Variants in DAOA observed in about 807,000 individuals in gnomAD.
DAOA encodes the protein D-amino acid oxidase activator.
A neutral mutation model predicts 16.4 loss-of-function variants in DAOA; 15 were observed. The ratio of observed to expected loss-of-function variants is 0.91; its 90% confidence interval spans 0.61 to 1.41. The LOEUF (loss-of-function observed/expected upper bound fraction) is 1.41. Ranked by LOEUF, DAOA falls within the 40% of genes most tolerant of loss-of-function variation. The probability of loss-of-function intolerance (pLI) is 0.00; values close to 1 mark genes in which losing one functional copy is unlikely to be tolerated. For synonymous variants in DAOA, 75 were observed against 59.1 expected (o/e 1.27, Z -1.23); for missense variants, 230 against 176.8 (o/e 1.30, Z -1.71).
intron 4 of DAOA, among the ~76,000 whole-genome samples, chr13:105,485,439 T>C (rs549251903): frequency 6.6e-6 from 1 of 152,316 alleles, no homozygotes; most frequent in South Asian, 2.1e-4. Flanking sequence ...GACTTAATCA[T>C]GAAGTCCTGT....
chr13:105,477,609 A>C (rs1014850221), intron 4 of DAOA, among the ~76,000 whole-genome samples: 3 of 152,206 alleles, frequency 2.0e-5, no homozygotes, highest in Admixed American at 1.3e-4. Flanking sequence ...CTGTAGTCCC[A>C]GCTTCTTGGG....
rs769132350 is a variant in DAOA at position 105,489,868 on chromosome 13, G to C, written c.282-33G>C. 1.9e-6 allele frequency: 3 copies of C among 1,613,766 alleles called. No individual in the cohort carries two copies. The Admixed American group carries it at 5.0e-5, about 27-fold the overall frequency. On this transcript the variant is annotated intron_variant, in intron 4 of 5. Transcript: ENST00000375936. ...CCGGTGATGAGGTTACCTTTCACAAGACCTGGCCAACTGAGACCGGATCTC... is the reference window on the plus strand; with the variant it reads ...CCGGTGATGAGGTTACCTTTCACAACACCTGGCCAACTGAGACCGGATCTC...
chr13:105,489,067 G>A (rs997278946), intron 4 of DAOA, among the ~76,000 whole-genome samples: 3 of 152,176 alleles, frequency 2.0e-5, no homozygotes, highest in Non-Finnish European at 2.9e-5. Flanking sequence ...GGTAGAGCCC[G>A]GATACTGTGG....
intron 4 of DAOA, among the ~76,000 whole-genome samples, chr13:105,482,914 A>T (rs887724135): frequency 3.3e-5 from 5 of 152,168 alleles, no homozygotes; most frequent in Admixed American, 6.5e-5. Flanking sequence ...TTTAAAATGT[A>T]TAATTGGATA....
Position 105,467,158 on chromosome 13 carries a change from C to G in DAOA, c.133+17C>G. 3.8e-6 allele frequency: 6 copies of G among 1,575,668 alleles called. No homozygotes were observed. Among genetic ancestry groups the G allele is most frequent in the Non-Finnish European group, 5.2e-6 (6 of 1,160,548 alleles). ...ACTCTATTGGTATGTTACTCTTTAT[C>G]TTTATATGAATTTAAATTCTTCTAG... On this transcript the variant is annotated intron_variant, in intron 3 of 5. Transcript: ENST00000375936.
At chr13:105,489,726 C>A in intron 4 of DAOA, 175 bp from the exon 5 acceptor site, 1 of 1,425,328 alleles carries the variant, frequency 7.0e-7, no homozygotes, top group East Asian at 2.5e-5. Context: ...CCCTAAGTGA[C>A]CCACATAATC....
chr13:105,480,892 G>A (rs907154964), intron 4 of DAOA, among the ~76,000 whole-genome samples: 9 of 152,078 alleles, frequency 5.9e-5, no homozygotes, highest in Admixed American at 2.0e-4. Context: ...ACCTGCCCAC[G>A]GTAAGGAGGG....
At chr13:105,468,139 C>A (rs985971070) in intron 3 of DAOA, among the ~76,000 whole-genome samples, 3 of 152,222 alleles carry the variant, frequency 2.0e-5, no homozygotes, top group East Asian at 3.9e-4. Context: ...AGCAGGGAGA[C>A]CTTCACTGAT....
intron 4 of DAOA, among the ~76,000 whole-genome samples, chr13:105,475,281 C>T (rs1877253376): frequency 6.6e-6 from 1 of 152,146 alleles, no homozygotes. Context: ...CATTATCTTT[C>T]ATCTTGAAAT....
In DAOA at chr13:105,469,627, A is replaced by G. The variant is rs1045581545; in HGVS notation, c.133+2486A>G. Among the ~76,000 whole-genome samples, 3 of 152,188 alleles carry G rather than the reference A, an allele frequency of 2.0e-5. No individual in the cohort carries two copies. The South Asian group carries it at 6.2e-4, about 31-fold the overall frequency. ...ACAGATTTTACAAACTCAAGGTTAT[A>G]AACTACTTTCCAATTATCGTTTCCC... On this transcript the variant is annotated intron_variant, in intron 3 of 5. Transcript: ENST00000375936.
intron 3 of DAOA, among the ~76,000 whole-genome samples, chr13:105,470,992 G>GTTAGCCATGA (rs1250952511): frequency 6.6e-6 from 1 of 152,106 alleles, no homozygotes; most frequent in African/African-American, 2.4e-5. Context: ...GTTTCATCGT[G>GTTAGCCATGA]TTAGCCATGA....
chr13:105,475,787 A>C (rs1935062), intron 4 of DAOA, among the ~76,000 whole-genome samples: 49,895 of 151,996 alleles, frequency 0.33, 8,735 homozygotes, highest in East Asian at 0.57. Flanking sequence ...TTATTTAAAA[A>C]GTTTAATATG....
At chr13:105,483,608 G>A (rs1877902007) in intron 4 of DAOA, among the ~76,000 whole-genome samples, 1 of 152,034 alleles carries the variant, frequency 6.6e-6, no homozygotes, top group South Asian at 2.1e-4. Flanking sequence ...AATGACTAAT[G>A]ATATTGAGCA....
At chr13:105,473,178 T>TGC (rs397783819) in intron 4 of DAOA, among the ~76,000 whole-genome samples, 6 of 151,624 alleles carry the variant, frequency 4.0e-5, no homozygotes, top group Non-Finnish European at 8.8e-5. Flanking sequence ...TGTGTGTGTG[T>TGC]TTGTGTGTGT....
At chr13:105,484,564 TA>T (rs1402597505) in intron 4 of DAOA, among the ~76,000 whole-genome samples, 2 of 152,202 alleles carry the variant, frequency 1.3e-5, no homozygotes, top group Admixed American at 1.3e-4. Flanking sequence ...AAATATTTTA[TA>T]TTTTTTGCTA....
At chr13:105,467,722 G>A (rs998651176) in intron 3 of DAOA, 5 of 143,830 alleles carry the variant, frequency 3.5e-5, no homozygotes, top group African/African-American at 1.3e-4. Flanking sequence ...TCCCCTAGAA[G>A]GTGATCCTTT....
rs141197108 is a variant in DAOA at position 105,475,914 on chromosome 13, T to C, written c.281+3229T>C. ...TGTGTAATGGCTTCAATTATTCACATTTATTTTGTGTGTTTTGCATAAAGA... is the reference window on the plus strand; with the variant it reads ...TGTGTAATGGCTTCAATTATTCACACTTATTTTGTGTGTTTTGCATAAAGA... On this transcript the variant is annotated intron_variant, in intron 4 of 5. Coordinates refer to ENST00000375936, the MANE Select transcript of DAOA (RefSeq NM_172370.5). Among the ~76,000 whole-genome samples, 647 of 152,268 alleles carry C rather than the reference T, an allele frequency of 4.2e-3. 8 individuals are homozygous for C. Among genetic ancestry groups the C allele is most frequent in the African/African-American group, 0.015 (603 of 41,558 alleles).
At position 105,466,209 on chromosome 13, in the gene DAOA, G is replaced by C; in HGVS notation, c.-73-7G>C. Reference sequence around the variant, plus strand: ...TACTAGTGTATATGATGATTCTGTTGGTCCAGGATTTGGAAAGGGCATGGC... The same window carrying C: ...TACTAGTGTATATGATGATTCTGTTCGTCCAGGATTTGGAAAGGGCATGGC... On this transcript the variant is annotated splice_polypyrimidine_tract_variant and splice_region_variant and intron_variant, in intron 1 of 5. Transcript: ENST00000375936. 3 of 1,603,034 alleles carry C rather than the reference G, an allele frequency of 1.9e-6. No homozygotes were observed. The highest frequency in any genetic ancestry group is 1.7e-6 in the Non-Finnish European group (2 of 1,173,914).
intron 4 of DAOA, chr13:105,477,293 T>TA (rs1449951372): frequency 6.6e-6 from 1 of 152,186 alleles, no homozygotes; most frequent in Non-Finnish European, 1.5e-5. Flanking sequence ...GTCTATCAGA[T>TA]AGAGTTTCTA....
Sources: allele counts gnomAD v4.1 joint callset (sites outside exome capture counted in the v4.1 genomes callset), GRCh38; gene constraint gnomAD v4.1.1; transcripts MANE v1.5; gene names NCBI Gene and HGNC (gene_info 2026-07-23, HGNC 2026-07-21).